Variants in FHIP1A observed in about 807,000 individuals in gnomAD.
FHIP1A encodes the protein FHF complex subunit HOOK-interacting protein 1A.
FHIP1A carries 61 observed loss-of-function variants against 88.6 expected under a neutral mutation model. That is an observed-to-expected ratio of 0.69 (90% confidence interval 0.56 to 0.85). The LOEUF (loss-of-function observed/expected upper bound fraction) is 0.85. Ranked by LOEUF, FHIP1A falls within the 40% of genes least tolerant of loss-of-function variation. The pLI is 0.00. For synonymous variants in FHIP1A, 478 were observed against 496.0 expected, an observed-to-expected ratio of 0.96 and a Z score of 0.48; for missense variants, 1,154 against 1,273.5, an observed-to-expected ratio of 0.91 and a Z score of 1.43.
chr4:151,520,495 T>A (rs994435700), intron 3 of FHIP1A, among the ~76,000 whole-genome samples: 4 of 152,194 alleles, frequency 2.6e-5, no homozygotes, highest in African/African-American at 9.6e-5. Context: ...CACTTTGCCA[T>A]TGTTGGACAT....
chr4:151,505,819 G>T (rs191871316), intron 3 of FHIP1A, among the ~76,000 whole-genome samples: 5 of 152,240 alleles, frequency 3.3e-5, no homozygotes, highest in African/African-American at 1.2e-4. Flanking sequence ...AAAAATTGAA[G>T]GAAGATTACA....
At chr4:151,461,926 G>A (rs1183281031) in intron 2 of FHIP1A, among the ~76,000 whole-genome samples, 1 of 152,214 alleles carries the variant, frequency 6.6e-6, no homozygotes, top group Admixed American at 6.5e-5. Context: ...ACTTTTGGAG[G>A]CTGAGGTGGG....
At chr4:151,498,201 G>T (rs988773911) in intron 3 of FHIP1A, among the ~76,000 whole-genome samples, 2 of 152,186 alleles carry the variant, frequency 1.3e-5, no homozygotes, top group Non-Finnish European at 2.9e-5. Flanking sequence ...TTTAACAATT[G>T]TCAGACTAAT....
chr4:151,449,402 T>G (rs944719653), intron 1 of FHIP1A, among the ~76,000 whole-genome samples: 1 of 151,874 alleles, frequency 6.6e-6, no homozygotes, highest in Non-Finnish European at 1.5e-5. Context: ...TTTTTTTAAT[T>G]GACACATTAT....
At chr4:151,428,125 T>C (rs1365135579) in intron 1 of FHIP1A, among the ~76,000 whole-genome samples, 5 of 152,204 alleles carry the variant, frequency 3.3e-5, no homozygotes, top group African/African-American at 4.8e-5. Flanking sequence ...TTCAGGAATA[T>C]TTCTGAAGGT....
chr4:151,471,800 G>A (rs1286681437), intron 2 of FHIP1A, among the ~76,000 whole-genome samples: 9 of 152,014 alleles, frequency 5.9e-5, no homozygotes, highest in Admixed American at 2.6e-4. Flanking sequence ...CCCAAAGTCC[G>A]TTGTGTCATT....
At chr4:151,543,091 A>C (rs996319069) in intron 3 of FHIP1A, among the ~76,000 whole-genome samples, 3 of 152,118 alleles carry the variant, frequency 2.0e-5, no homozygotes, top group African/African-American at 7.2e-5. Context: ...TTCCTATGTG[A>C]ATTTGTTTAG....
intron 2 of FHIP1A, among the ~76,000 whole-genome samples, chr4:151,463,437 C>T (rs1353914320): frequency 6.6e-6 from 1 of 152,196 alleles, no homozygotes; most frequent in Admixed American, 6.5e-5. Flanking sequence ...GACAGGGCAC[C>T]TTGATCGTCA....
chr4:151,638,315 TTGTGTGTGTGTG>T lies in FHIP1A; in HGVS notation c.1147-342_1147-331del, dbSNP rs146664249. ...GAAAACAAATTACCTAAATAGGAGA[TTGTGTGTGTGTG>T]TGTGTGTGTGTGTGTGTGTATGTGA... On this transcript the variant is annotated intron_variant, in intron 8 of 13. Coordinates refer to ENST00000435205, the MANE Select transcript of FHIP1A (RefSeq NM_001109977.3). 4.2e-5 allele frequency among the ~76,000 whole-genome samples: 6 copies of T among 143,828 alleles called. No homozygotes were observed. In the East Asian group the frequency reaches 1.0e-3, roughly 24 times the overall value. The allele number at this position is 143,828 out of a possible 152,430, so 94.4% of individuals were successfully genotyped here. A position where few individuals can be genotyped will look rare whatever the true frequency, so the allele number is the denominator to read the frequency against.
chr4:151,449,172 T>A (rs1314691817), intron 1 of FHIP1A, among the ~76,000 whole-genome samples: 1 of 152,332 alleles, frequency 6.6e-6, no homozygotes, highest in Non-Finnish European at 1.5e-5. Context: ...AATGATTGCA[T>A]AACTAACTGA....
At chr4:151,519,202 C>T (rs912712865) in intron 3 of FHIP1A, among the ~76,000 whole-genome samples, 2 of 152,168 alleles carry the variant, frequency 1.3e-5, no homozygotes, top group Non-Finnish European at 2.9e-5. Flanking sequence ...ACATCATCAT[C>T]ACCCTGGAAG....
chr4:151,508,714 G>A (rs1477524563), intron 3 of FHIP1A, among the ~76,000 whole-genome samples: 1 of 152,168 alleles, frequency 6.6e-6, no homozygotes, highest in Non-Finnish European at 1.5e-5. Flanking sequence ...CTTGGACTTG[G>A]AACCCACTGA....
intron 1 of FHIP1A, among the ~76,000 whole-genome samples, chr4:151,439,544 C>A (rs941565217): frequency 6.6e-6 from 1 of 152,092 alleles, no homozygotes; most frequent in Non-Finnish European, 1.5e-5. Flanking sequence ...CCTTCTGCCC[C>A]AGCTGTCTTT....
Position 151,411,384 on chromosome 4 carries a change from C to G in FHIP1A, c.-356+1919C>G, listed in dbSNP as rs1022896156. Among the ~76,000 whole-genome samples the G allele has an allele frequency of 9.3e-5, 11 of 118,774 alleles. No individual in the cohort carries two copies. In the Admixed American group the frequency reaches 1.0e-3, roughly 11 times the overall value. 77.9% of individuals were successfully genotyped at this position (118,774 alleles called of 152,430 possible). ...TTTTAAAGTTAGGGTCTCTCTCTCT[C>G]TCTGGCCCAGGCTAGAGTTCAGTGG... is the stretch of plus-strand genomic sequence containing the variant. On this transcript the variant is annotated intron_variant, in intron 1 of 13. Coordinates refer to ENST00000435205, the MANE Select transcript of FHIP1A (RefSeq NM_001109977.3).
chr4:151,535,656 T>G lies in FHIP1A; in HGVS notation c.-122-30482T>G, dbSNP rs1392500720. Among the ~76,000 whole-genome samples, 3 of 152,248 alleles carry G rather than the reference T, an allele frequency of 2.0e-5. No individual in the cohort carries two copies. In the South Asian group the frequency reaches 6.2e-4, roughly 31 times the overall value. ...TTTACTTACTAACAATCATTCAGAC[T>G]GTACAGTTTAATGAAACATTGGGAT... On this transcript the variant is annotated intron_variant, in intron 3 of 13. Transcript: ENST00000435205.
chr4:151,421,640 G>T lies in FHIP1A; in HGVS notation c.-356+12175G>T, dbSNP rs191894796. ...TAAATATTTGTTGAATTGAGTTGGG[G>T]TTTGCTAACCTGGAACCCTTCCCTC... is the stretch of plus-strand genomic sequence containing the variant. On this transcript the variant is annotated intron_variant, in intron 1 of 13. Transcript: ENST00000435205. Among the ~76,000 whole-genome samples the T allele has an allele frequency of 9.3e-3, 1,410 of 152,104 alleles. 19 individuals carry two copies. The highest frequency in any genetic ancestry group is 0.032 in the African/African-American group (1,318 of 41,492).
intron 9 of FHIP1A, among the ~76,000 whole-genome samples, chr4:151,640,274 G>T (rs1736537874): frequency 6.6e-6 from 1 of 152,174 alleles, no homozygotes; most frequent in Non-Finnish European, 1.5e-5. Flanking sequence ...GCTGGTAGTG[G>T]CCTATTGTGG....
chr4:151,650,423 A>T lies in FHIP1A; in HGVS notation c.2382A>T (p.Gly794=), dbSNP rs1341980240. The part of the protein sequence containing the change: ...KEEEGKEESK[G]EKEKEGKKEL... ...AAGAAGGGAAGGAAGAGAGTAAAGG[A>T]GAAAAGGAGAAGGAGGGGAAGAAGG... Residue 794 remains glycine (G), a synonymous_variant, in exon 11 of 14, where the codon GGA becomes GGT. Coordinates refer to ENST00000435205, the MANE Select transcript of FHIP1A (RefSeq NM_001109977.3). 3 of 1,551,702 alleles carry T rather than the reference A, an allele frequency of 1.9e-6. No individual in the cohort carries two copies. The South Asian group carries it at 3.6e-5, about 18-fold the overall frequency.
chr4:151,554,254 G>C (rs1732860466), intron 3 of FHIP1A, among the ~76,000 whole-genome samples: 2 of 152,164 alleles, frequency 1.3e-5, no homozygotes, highest in Non-Finnish European at 2.9e-5. Flanking sequence ...TTTCTCACTG[G>C]TGGCTGTTAC....
Sources: gnomAD v4.1 joint callset for allele counts (sites outside exome capture counted in the v4.1 genomes callset) on GRCh38, gnomAD v4.1.1 for gene constraint, MANE v1.5 for transcripts, NCBI Gene and HGNC (gene_info 2026-07-23, HGNC 2026-07-21) for gene names.